The following HEMK2 variants were observed in gnomAD, a reference collection of about 807,000 sequenced individuals.
HEMK2 encodes methyltransferase HEMK2.
the HEMK2 span, among the ~76,000 whole-genome samples, chr21:28,764,277 G>C: frequency 6.6e-6 from 1 of 152,058 alleles, no homozygotes; most frequent in African/African-American, 2.4e-5. Flanking sequence ...AACTGTATCT[G>C]CAAGTTGTTG....
chr21:28,753,673 G>C, the HEMK2 span, among the ~76,000 whole-genome samples: 55,485 of 152,058 alleles, frequency 0.36, 11,856 homozygotes, highest in African/African-American at 0.59. Context: ...TTACAAATCT[G>C]AGAGTTAGCC....
the HEMK2 span, among the ~76,000 whole-genome samples, chr21:28,626,919 C>T: frequency 2.0e-5 from 3 of 152,062 alleles, no homozygotes; most frequent in Admixed American, 6.6e-5. Flanking sequence ...TTTGTATTCA[C>T]AGAAACATTT....
the HEMK2 span, among the ~76,000 whole-genome samples, chr21:28,683,443 T>C: frequency 6.6e-6 from 1 of 152,176 alleles, no homozygotes; most frequent in Non-Finnish European, 1.5e-5. Flanking sequence ...ATAAGATTAA[T>C]CCAAAACCAT....
At chr21:28,862,995 T>C in the HEMK2 span, among the ~76,000 whole-genome samples, 2 of 152,104 alleles carry the variant, frequency 1.3e-5, no homozygotes, top group East Asian at 1.9e-4. Context: ...CAGATGTGTA[T>C]AGGCTCAAGT....
At chr21:28,737,413 C>A in the HEMK2 span, among the ~76,000 whole-genome samples, 1 of 152,148 alleles carries the variant, frequency 6.6e-6, no homozygotes, top group Non-Finnish European at 1.5e-5. Context: ...TCATGAGCCA[C>A]CACGCCCAAT....
the HEMK2 span, among the ~76,000 whole-genome samples, chr21:28,756,622 CT>C: frequency 1.3e-5 from 2 of 152,138 alleles, no homozygotes; most frequent in Admixed American, 6.6e-5. Context: ...AGACAAGTGC[CT>C]TTTGCCAGAG....
At chr21:28,695,453 A>G in the HEMK2 span, among the ~76,000 whole-genome samples, 1 of 152,174 alleles carries the variant, frequency 6.6e-6, no homozygotes. Flanking sequence ...TCAGTTCAGC[A>G]TAGCTAGGGA....
chr21:28,810,858 A>G, the HEMK2 span, among the ~76,000 whole-genome samples: 13 of 152,222 alleles, frequency 8.5e-5, no homozygotes, highest in Non-Finnish European at 1.2e-4. Context: ...CTGCTCCCCA[A>G]TGGAAACCAG....
At chr21:28,841,230 A>C in the HEMK2 span, among the ~76,000 whole-genome samples, 1 of 12,128 alleles carries the variant, frequency 8.2e-5, no homozygotes, top group Non-Finnish European at 1.1e-4. Flanking sequence ...ATTATATATT[A>C]TATATATTTA....
the HEMK2 span, among the ~76,000 whole-genome samples, chr21:28,699,522 T>G: frequency 6.6e-6 from 1 of 152,198 alleles, no homozygotes; most frequent in Non-Finnish European, 1.5e-5. Flanking sequence ...AAACAAAAAT[T>G]TAACAAGAAG....
At chr21:28,838,880 G>A in the HEMK2 span, among the ~76,000 whole-genome samples, 1 of 141,280 alleles carries the variant, frequency 7.1e-6, no homozygotes, top group Non-Finnish European at 1.5e-5. Flanking sequence ...CAGAGGTTGT[G>A]GTGAGCCGAA....
chr21:28,681,387 C>A, the HEMK2 span, among the ~76,000 whole-genome samples: 1 of 151,876 alleles, frequency 6.6e-6, no homozygotes, highest in Admixed American at 6.6e-5. Context: ...AACCACTGCT[C>A]AATGAAATAA....
the HEMK2 span, among the ~76,000 whole-genome samples, chr21:28,707,632 A>C: frequency 8.5e-5 from 13 of 152,250 alleles, no homozygotes; most frequent in South Asian, 2.7e-3. Flanking sequence ...GCTTGTAAAT[A>C]GTTTTTCTAC....
At chr21:28,678,371 C>A in the HEMK2 span, among the ~76,000 whole-genome samples, 1 of 152,102 alleles carries the variant, frequency 6.6e-6, no homozygotes, top group Non-Finnish European at 1.5e-5. Flanking sequence ...ACGAACAAAG[C>A]CTCCAAGAAA....
chr21:28,627,716 T>C, the HEMK2 span, among the ~76,000 whole-genome samples: 1 of 152,132 alleles, frequency 6.6e-6, no homozygotes, highest in Non-Finnish European at 1.5e-5. Flanking sequence ...TTCCTAGAAC[T>C]AAATCAAAAG....
the HEMK2 span, among the ~76,000 whole-genome samples, chr21:28,880,638 G>T: frequency 0.17 from 26,133 of 151,888 alleles, 2,344 homozygotes; most frequent in South Asian, 0.23. Flanking sequence ...AGCTACTGGG[G>T]AGGCTGAGGC....
At chr21:28,613,619 CTTTTTT>C in the HEMK2 span, among the ~76,000 whole-genome samples, 948 of 82,684 alleles carry the variant, frequency 0.011, 5 homozygotes, top group African/African-American at 0.031. Flanking sequence ...TCTGCATATT[CTTTTTT>C]TTTTTTTTTT....
chr21:28,806,304 T>A, the HEMK2 span, among the ~76,000 whole-genome samples: 1 of 152,188 alleles, frequency 6.6e-6, no homozygotes, highest in Non-Finnish European at 1.5e-5. Context: ...TTTAATGAAT[T>A]TAATATGCTG....
At chr21:28,758,656 T>G in the HEMK2 span, among the ~76,000 whole-genome samples, 1 of 152,204 alleles carries the variant, frequency 6.6e-6, no homozygotes, top group African/African-American at 2.4e-5. Context: ...AAAACCAACG[T>G]GCTCTTAATA....
Sources: gnomAD v4.1 joint callset for allele counts (sites outside exome capture counted in the v4.1 genomes callset) on GRCh38, gnomAD v4.1.1 for gene constraint, MANE v1.5 for transcripts, NCBI Gene and HGNC (gene_info 2026-07-23, HGNC 2026-07-21) for gene names.